STRN4: variants seen among roughly 807,000 people sequenced by gnomAD.
The protein encoded by STRN4 is striatin 4.
A neutral mutation model predicts 77.9 loss-of-function variants in STRN4; 27 were observed. The ratio of observed to expected loss-of-function variants is 0.35; its 90% CI spans 0.26 to 0.48. The LOEUF is 0.48. Among genes scored for constraint, STRN4 ranks in the 20% least tolerant of loss-of-function variants. The pLI, the probability that STRN4 is intolerant of heterozygous loss-of-function variation, is 0.99. For synonymous variants in STRN4, 466 were observed against 443.1 expected, an observed-to-expected ratio of 1.05 and a Z score of -0.65; for missense variants, 798 against 1,049.7, an observed-to-expected ratio of 0.76 and a Z score of 3.31.
At chr19:46,746,089 G>A (rs1371331156) in intron 1 of STRN4, 60 bp downstream of exon 1, 12 of 1,303,576 alleles carry the variant, frequency 9.2e-6, no homozygotes, top group African/African-American at 4.7e-5. Context: ...CGGCGGCAGC[G>A]GGTGAGGCCG....
rs2122230551 is a variant in STRN4 at position 46,723,462 on chromosome 19, C to G, written c.1595-178G>C. ...GCCAGGACAGCCCGGCAGCTGCTCA[C>G]ACTGCCCACTAGCTCTCCAAGGAAG... On this transcript the variant is annotated intron_variant, in intron 12 of 17. Transcript: ENST00000263280. The surrounding 1 kb of genome is among the most constrained non-coding windows in gnomAD (Gnocchi z 5.5). Among the ~76,000 whole-genome samples the G allele has an allele frequency of 6.6e-6, 1 of 152,344 alleles. No individual in the cohort carries two copies. The highest frequency in any genetic ancestry group is 1.9e-4 in the East Asian group (1 of 5,182).
rs1376716746 is a variant in STRN4 at position 46,733,639 on chromosome 19, T to G, written c.540-403A>C. 1.3e-5 allele frequency among the ~76,000 whole-genome samples: 2 copies of G among 152,076 alleles called. No individual in the cohort carries two copies. The highest frequency in any genetic ancestry group is 2.9e-5 in the Non-Finnish European group (2 of 68,016). ...TTCTATGATCCACATGATGCCAATG[T>G]TTGTAGAAAAAAACAAAAAGGCGTT... On this transcript the variant is annotated intron_variant, in intron 4 of 17. Coordinates refer to ENST00000263280, the MANE Select transcript of STRN4 (RefSeq NM_013403.3). The surrounding 1 kb of genome is among the most constrained non-coding windows in gnomAD (Gnocchi z 4.3).
In STRN4 at chr19:46,732,926, C is replaced by A. The variant is rs1028501798; in HGVS notation, c.737+113G>T. On this transcript the variant is annotated intron_variant, in intron 5 of 17. Transcript: ENST00000263280. ...AGAACAAGGGAGCCCACGGCATACT[C>A]CAGGAGGAGGGGCCGCCAGGGCACC... 18 of 1,307,242 alleles carry A rather than the reference C, an allele frequency of 1.4e-5. No homozygotes were observed. In the African/African-American group the frequency reaches 2.2e-4, roughly 16 times the overall value. The allele number at this position is 1,307,242 out of a possible 1,614,324, so 81.0% of individuals were successfully genotyped here.
At position 46,727,454 on chromosome 19, in the gene STRN4, C is replaced by G; in HGVS notation, c.1246G>C (p.Asp416His). The G allele has an allele frequency of 6.2e-7, 1 of 1,613,388 alleles. No homozygotes were observed. Among genetic ancestry groups the G allele is most frequent in the Non-Finnish European group, 8.5e-7 (1 of 1,179,584 alleles). The stretch of plus-strand genomic sequence containing the variant: ...TGGGGGGCACCCGGAGAACTTACAT[C>G]GCAGCTGAGGTCGTTGTCGTTGGTG... ...TVTNDNDLSC[D>H]LSDSKDAFKK... The change falls in exon 9 of 18, where the codon GAT (aspartate) becomes CAT (histidine). Residue 416 changes from aspartate to histidine, a missense_variant and splice_region_variant. This residue lies in a region of STRN4 where 511 missense variants were observed against 575.9 expected (regional missense o/e 0.89). Transcript: ENST00000263280.
chr19:46,724,981 C>A, intron 11 of STRN4, 53 bp from the exon 12 acceptor site: 1 of 1,611,036 alleles, frequency 6.2e-7, no homozygotes, highest in South Asian at 1.1e-5. Context: ...AGGGCCTCCC[C>A]TGGCCACAGG....
In STRN4 at chr19:46,722,900, T is replaced by C. The variant is rs2054013965; in HGVS notation, c.1816A>G (p.Ile606Val). Residue 606 changes from isoleucine (I) to valine (V), a missense_variant, in exon 14 of 18, where the codon ATC (isoleucine) becomes GTC (valine). Physicochemically the swap from Ile to Val is conservative, Grantham distance 29. Coordinates refer to ENST00000263280, the MANE Select transcript of STRN4 (RefSeq NM_013403.3). ...VAFTSTEPAHIVASFRSGDTV... is the reference protein window; with the variant it reads ...VAFTSTEPAHVVASFRSGDTV... Reference sequence around the variant, plus strand: ...TCGCCAGAGCGGAAGGAGGCCACGATGTGGGCAGGCTCGGTGCTGGTGAAG... The same window carrying C: ...TCGCCAGAGCGGAAGGAGGCCACGACGTGGGCAGGCTCGGTGCTGGTGAAG... 4.3e-6 allele frequency: 7 copies of C among 1,613,934 alleles called. No individual in the cohort carries two copies. The highest frequency in any genetic ancestry group is 5.9e-6 in the Non-Finnish European group (7 of 1,180,006).
intron 4 of STRN4, chr19:46,736,352 T>C (rs1052650426): frequency 6.6e-6 from 1 of 152,474 alleles, no homozygotes; most frequent in Non-Finnish European, 1.5e-5. Flanking sequence ...TGATTCACAG[T>C]TGATTACAGA....
At chr19:46,728,136 G>C (rs959535212) in intron 7 of STRN4, 129 bp from the exon 8 acceptor site, 4 of 871,780 alleles carry the variant, frequency 4.6e-6, no homozygotes, top group East Asian at 2.6e-5. Context: ...CCTGGGGGAG[G>C]GGGGGAATGG....
chr19:46,726,430 AC>A (rs1396326289), intron 9 of STRN4, among the ~76,000 whole-genome samples: 1 of 148,480 alleles, frequency 6.7e-6, no homozygotes, highest in Non-Finnish European at 1.5e-5. Flanking sequence ...CGATCATTTG[AC>A]CCCAGGAGTT....
chr19:46,739,333 G>A (rs773008057), intron 1 of STRN4: 8 of 182,750 alleles, frequency 4.4e-5, no homozygotes, highest in Admixed American at 2.7e-4. Context: ...TCTGGGAGGC[G>A]TGGGAAGCTA....
chr19:46,724,249 C>CAAAAAAAAAAAAAAA lies in STRN4; in HGVS notation c.1594+543_1594+557dup, dbSNP rs71970589. 8.7e-4 allele frequency among the ~76,000 whole-genome samples: 76 copies of CAAAAAAAAAAAAAAA among 87,156 alleles called. 3 individuals carry two copies. Among genetic ancestry groups the CAAAAAAAAAAAAAAA allele is most frequent in the African/African-American group, 2.4e-3 (48 of 19,608 alleles). The allele number at this position is 87,156 out of a possible 152,430, so 57.2% of individuals were successfully genotyped here. On this transcript the variant is annotated intron_variant, in intron 12 of 17. Coordinates refer to ENST00000263280, the MANE Select transcript of STRN4 (RefSeq NM_013403.3). ...GGTGACAGAGTGAGACTCTTTGTCT[C>CAAAAAAAAAAAAAAA]AAAAAAAAAAAAAAAAAAAAAAAAA...
At chr19:46,739,808 G>A (rs1180724610) in intron 1 of STRN4, among the ~76,000 whole-genome samples, 1 of 152,236 alleles carries the variant, frequency 6.6e-6, no homozygotes, top group Non-Finnish European at 1.5e-5. Context: ...AGAGTCACAA[G>A]AGTGCCCTCC....
chr19:46,744,839 C>G (rs111476621), intron 1 of STRN4, among the ~76,000 whole-genome samples: 1,825 of 152,072 alleles, frequency 0.012, 26 homozygotes, highest in African/African-American at 0.042. Flanking sequence ...AGACTTCCAG[C>G]GGGCCATTCC....
In STRN4 at chr19:46,733,531, CAT is replaced by C; in HGVS notation, c.540-297_540-296del. 2.6e-6 allele frequency: 1 copy of C among 382,500 alleles called. No homozygotes were observed. Among genetic ancestry groups the C allele is most frequent in the Non-Finnish European group, 4.8e-6 (1 of 206,482 alleles). The allele number at this position is 382,500 out of a possible 1,614,324, so 23.7% of individuals were successfully genotyped here. A position where few individuals can be genotyped will look rare whatever the true frequency, so the allele number is the denominator to read the frequency against. Reference sequence around the variant, plus strand: ...ACAGGGGCTGTGTCAGCAAATGACTCATAGCGCTGCAAGGCAGAAGATCAACA... The same window carrying C: ...ACAGGGGCTGTGTCAGCAAATGACTCAGCGCTGCAAGGCAGAAGATCAACA... On this transcript the variant is annotated intron_variant, in intron 4 of 17. Coordinates refer to ENST00000263280, the MANE Select transcript of STRN4 (RefSeq NM_013403.3). The surrounding 1 kb of genome is among the most constrained non-coding windows in gnomAD (Gnocchi z 4.3).
rs114648885 is a variant in STRN4 at position 46,745,556 on chromosome 19, A to T, written c.282+593T>A. Among the ~76,000 whole-genome samples, 1,111 of 151,082 alleles carry T rather than the reference A, an allele frequency of 7.4e-3. 10 individuals carry two copies. The highest frequency in any genetic ancestry group is 0.026 in the African/African-American group (1,074 of 41,098). ...CAGGTTCCCGACTTCCTCTCCCTAAATCCTCCCGGTTCCCCATCTGGACCC... is the reference window on the plus strand; with the variant it reads ...CAGGTTCCCGACTTCCTCTCCCTAATTCCTCCCGGTTCCCCATCTGGACCC... On this transcript the variant is annotated intron_variant, in intron 1 of 17. Transcript: ENST00000263280.
chr19:46,745,056 G>A (rs2054552758), intron 1 of STRN4, among the ~76,000 whole-genome samples: 1 of 105,236 alleles, frequency 9.5e-6, no homozygotes, highest in African/African-American at 3.9e-5. Flanking sequence ...CCCCCGTTCC[G>A]AGATGCCTCC....
Position 46,741,937 on chromosome 19 carries a change from C to T in STRN4, c.283-3049G>A, listed in dbSNP as rs1003439160. Among the ~76,000 whole-genome samples the T allele has an allele frequency of 3.3e-5, 5 of 152,228 alleles. No homozygotes were observed. Among genetic ancestry groups the T allele is most frequent in the South Asian group, 2.1e-4 (1 of 4,836 alleles). Reference sequence around the variant, plus strand: ...AAGCTGAAGTGGGCAGGGGCAGCTCCGCACATTCTCTGCTGGCACCGCACT... The same window carrying T: ...AAGCTGAAGTGGGCAGGGGCAGCTCTGCACATTCTCTGCTGGCACCGCACT... On this transcript the variant is annotated intron_variant, in intron 1 of 17. Coordinates refer to ENST00000263280, the MANE Select transcript of STRN4 (RefSeq NM_013403.3). This position sits in a 1 kb window ranked among gnomAD's most constrained non-coding sequence, Gnocchi z 4.9.
chr19:46,727,779 T>A, intron 8 of STRN4, 115 bp downstream of exon 8: 1 of 992,078 alleles, frequency 1.0e-6, no homozygotes, highest in Non-Finnish European at 1.5e-6. Context: ...GCAGGGAGGC[T>A]GCAGACTGGA....
intron 15 of STRN4, 55 bp downstream of exon 15, chr19:46,722,187 G>A: frequency 6.3e-7 from 1 of 1,598,994 alleles, no homozygotes; most frequent in Non-Finnish European, 8.6e-7. Context: ...AAGCATCTCT[G>A]CTGCCTGCCT....
Sources: allele counts gnomAD v4.1 joint callset (sites outside exome capture counted in the v4.1 genomes callset), GRCh38; gene constraint gnomAD v4.1.1; regional missense constraint gnomAD v4.1.1; non-coding constraint Gnocchi (gnomAD v3.1); transcripts MANE v1.5; gene names NCBI Gene and HGNC (gene_info 2026-07-23, HGNC 2026-07-21).